CCDC186: variants seen among roughly 807,000 people sequenced by gnomAD.
CCDC186 encodes the protein coiled-coil domain-containing protein 186.
Under a neutral mutation model 113.7 loss-of-function variants are expected in CCDC186, and 49 were observed. The observed-to-expected ratio is 0.43, with a 90% CI of 0.34 to 0.55. The LOEUF is 0.55. Ranked by LOEUF, CCDC186 falls within the 20% of genes least tolerant of loss-of-function variation. The pLI is 0.02. For missense variants in CCDC186, 890 were observed against 1,011.1 expected, an observed-to-expected ratio of 0.88 and a Z score of 1.62; for synonymous variants, 355 against 345.8, an observed-to-expected ratio of 1.03 and a Z score of -0.30.
At chr10:114,151,989 G>A (rs976434179) in intron 3 of CCDC186, among the ~76,000 whole-genome samples, 1 of 152,182 alleles carries the variant, frequency 6.6e-6, no homozygotes, top group Non-Finnish European at 1.5e-5. Context: ...ATTCATGCTA[G>A]TTTTGCTGTC....
At chr10:114,138,242 AAAAACAAAAC>A (rs550818343) in intron 6 of CCDC186, among the ~76,000 whole-genome samples, 3,317 of 144,270 alleles carry the variant, frequency 0.023, 131 homozygotes, top group African/African-American at 0.075. Context: ...TTTGTCACAA[AAAAACAAAAC>A]AAAACAAAAC....
rs2030784875 is a variant in CCDC186, at chr10:114,123,220, T to C, written c.*1923A>G. 6.6e-6 allele frequency: 1 copy of C among 152,600 alleles called. No homozygotes were observed. Among genetic ancestry groups the C allele is most frequent in the Admixed American group, 6.5e-5 (1 of 15,276 alleles). 9.5% of individuals were successfully genotyped at this position (152,600 alleles called of 1,614,324 possible). A position where few individuals can be genotyped will look rare whatever the true frequency, so the allele number is the denominator to read the frequency against. Reference sequence around the variant, plus strand: ...ATTTGATTGCACTTTCCCTCTTATTTTGATAAATTATTATTGGTAAAAAGA... The same window carrying C: ...ATTTGATTGCACTTTCCCTCTTATTCTGATAAATTATTATTGGTAAAAAGA... On this transcript the variant is annotated 3_prime_UTR_variant, in exon 16 of 16. Transcript: ENST00000369287.
chr10:114,165,806 C>A, intron 1 of CCDC186: 1 of 775,802 alleles, frequency 1.3e-6, no homozygotes, highest in Non-Finnish European at 1.6e-6. Context: ...CAAGATCGTG[C>A]CATTGCACTC....
intron 3 of CCDC186, among the ~76,000 whole-genome samples, chr10:114,155,458 T>C (rs2031982762): frequency 6.6e-6 from 1 of 152,180 alleles, no homozygotes; most frequent in South Asian, 2.1e-4. Flanking sequence ...GCAGATCACC[T>C]GAGGTCAGGA....
intron 1 of CCDC186, among the ~76,000 whole-genome samples, chr10:114,173,565 G>C (rs748601256): frequency 6.6e-6 from 1 of 152,106 alleles, no homozygotes; most frequent in African/African-American, 2.4e-5. Flanking sequence ...TTTGGAAGAG[G>C]GTAACAAGTC....
rs567960986 is a variant in CCDC186 at position 114,162,640 on chromosome 10, T to G, written c.629A>C (p.Lys210Thr). Residue 210 changes from lysine to threonine, a missense_variant, in exon 2 of 16, where the codon AAA becomes ACA. Coordinates refer to ENST00000369287, the MANE Select transcript of CCDC186 (RefSeq NM_018017.4). The stretch of plus-strand genomic sequence containing the variant: ...CCTAAAGGTATAAAAAACTTACTTT[T>G]TTATGATATGTTCCTGCTGCAAATA... The part of the protein sequence containing the change: ...DKYLQQEHII[K>T]KLIKENKKHQ... The G allele has an allele frequency of 3.9e-5, 60 of 1,550,832 alleles. No homozygotes were observed. The South Asian group carries it at 7.1e-4, about 18-fold the overall frequency.
chr10:114,146,313 C>T (rs1442982750), intron 4 of CCDC186, among the ~76,000 whole-genome samples: 1 of 152,206 alleles, frequency 6.6e-6, no homozygotes, highest in Non-Finnish European at 1.5e-5. Flanking sequence ...TCTGCATCTT[C>T]CCTTTTTGGG....
At position 114,137,904 on chromosome 10, in the gene CCDC186, C is replaced by T. The variant is rs368238367; in HGVS notation, c.1222-614G>A. Among the ~76,000 whole-genome samples, 177 of 151,898 alleles carry T rather than the reference C, an allele frequency of 1.2e-3. 2 individuals are homozygous for T. The highest frequency in any genetic ancestry group is 4.1e-3 in the African/African-American group (169 of 41,454). On this transcript the variant is annotated intron_variant, in intron 6 of 15. Coordinates refer to ENST00000369287, the MANE Select transcript of CCDC186 (RefSeq NM_018017.4). ...ATACAAAATTAGCCGGGTGTGGTGG[C>T]GCATGCCTGTAACCTCAGATACTCA...
At chr10:114,128,738 T>C (rs950253118) in intron 13 of CCDC186, among the ~76,000 whole-genome samples, 1 of 152,224 alleles carries the variant, frequency 6.6e-6, no homozygotes, top group Non-Finnish European at 1.5e-5. Flanking sequence ...ATTTTCACAA[T>C]GGGTTCAATC....
rs1269761381 is a variant in CCDC186 at position 114,138,052 on chromosome 10, AAAAAAAAAAAAAAAAAAAAAAT to A, written c.1222-784_1222-763del. 6.7e-4 allele frequency among the ~76,000 whole-genome samples: 53 copies of A among 78,716 alleles called. No homozygotes were observed. In the South Asian group the frequency reaches 0.011, roughly 16 times the overall value. 51.6% of individuals were successfully genotyped at this position (78,716 alleles called of 152,430 possible). ...AACTCGGTCTCAAAAAAAAAAAAAA[AAAAAAAAAAAAAAAAAAAAAAT>A]AAAAAAAATACACAAATTAGCCAGG... On this transcript the variant is annotated intron_variant, in intron 6 of 15. Transcript: ENST00000369287.
Position 114,129,964 on chromosome 10 carries a change from T to C in CCDC186, c.2109A>G (p.Arg703=), listed in dbSNP as rs1236487735. Residue 703 remains arginine (R), a synonymous_variant, in exon 13 of 16, where the codon AGA becomes AGG. Coordinates refer to ENST00000369287, the MANE Select transcript of CCDC186 (RefSeq NM_018017.4). ...DLTKQLQQAR[R]KLDQVESGSY... is the part of the protein sequence containing the mutation. ...TTCCACTCTCAACCTGATCTAATTT[T>C]CTTCGTGCTATAGGAAAAAGAAGAT... 1.2e-6 allele frequency: 2 copies of C among 1,613,258 alleles called. No individual in the cohort carries two copies. The highest frequency in any genetic ancestry group is 1.7e-6 in the Non-Finnish European group (2 of 1,179,450).
intron 15 of CCDC186, 74 bp from the exon 16 acceptor site, chr10:114,125,300 T>C: frequency 8.5e-7 from 1 of 1,174,554 alleles, no homozygotes; most frequent in Non-Finnish European, 1.2e-6. Flanking sequence ...CAGTTTGAAC[T>C]ATTTTTTGCC....
intron 1 of CCDC186, among the ~76,000 whole-genome samples, chr10:114,170,356 C>A (rs1421865113): frequency 1.3e-5 from 2 of 152,046 alleles, no homozygotes; most frequent in African/African-American, 2.4e-5. Context: ...GAAACAGGGT[C>A]TTTTTCTGTC....
chr10:114,171,584 A>T (rs1039505223), intron 1 of CCDC186, among the ~76,000 whole-genome samples: 9 of 152,192 alleles, frequency 5.9e-5, no homozygotes, highest in African/African-American at 1.7e-4. Context: ...TAGTATCTTT[A>T]AAAAAAATTT....
intron 2 of CCDC186, among the ~76,000 whole-genome samples, chr10:114,159,141 G>A (rs1200440507): frequency 6.6e-6 from 1 of 152,070 alleles, no homozygotes; most frequent in Non-Finnish European, 1.5e-5. Flanking sequence ...TCATACAAAT[G>A]TTTGGAAAAA....
At chr10:114,164,304 G>A (rs1214501892) in intron 1 of CCDC186, among the ~76,000 whole-genome samples, 1 of 151,096 alleles carries the variant, frequency 6.6e-6, no homozygotes, top group African/African-American at 2.4e-5. Flanking sequence ...GTATTTTTAG[G>A]AAGAGATAGG....
At chr10:114,150,508 A>G (rs574393445) in intron 4 of CCDC186, among the ~76,000 whole-genome samples, 2 of 152,324 alleles carry the variant, frequency 1.3e-5, no homozygotes, top group South Asian at 4.1e-4. Context: ...CAAAATACCA[A>G]TAATTAGCTA....
Position 114,132,054 on chromosome 10 carries a change from T to C in CCDC186, c.1786A>G (p.Thr596Ala), listed in dbSNP as rs984138986. ...SELLLFTERL[T>A]SKNAQLQSES... ...GACTGAAGCTGTGCATTCTTACTAG[T>C]GAGCCTTTCTGTAAACAGCAGCAGC... is the stretch of plus-strand genomic sequence containing the variant. Residue 596 changes from threonine (T) to alanine (A), a missense_variant, in exon 11 of 16, where the codon ACT (threonine) becomes GCT (alanine). Physicochemically the swap from Thr to Ala is moderately conservative, Grantham distance 58. Transcript: ENST00000369287. 1.4e-5 allele frequency: 23 copies of C among 1,613,492 alleles called. No individual in the cohort carries two copies. The highest frequency in any genetic ancestry group is 2.7e-5 in the African/African-American group (2 of 74,930).
chr10:114,158,115 G>C (rs1312226155), intron 2 of CCDC186, among the ~76,000 whole-genome samples: 1 of 152,216 alleles, frequency 6.6e-6, no homozygotes, highest in African/African-American at 2.4e-5. Context: ...CTAGTGGATG[G>C]AGGCCAGGGA....
Sources: allele counts gnomAD v4.1 joint callset (sites outside exome capture counted in the v4.1 genomes callset), GRCh38; gene constraint gnomAD v4.1.1; transcripts MANE v1.5; gene names NCBI Gene and HGNC (gene_info 2026-07-23, HGNC 2026-07-21).